The following HELLS variants were observed in gnomAD, a reference collection of about 807,000 sequenced individuals.
HELLS encodes the protein lymphoid-specific helicase.
A neutral mutation model predicts 120.0 loss-of-function variants in HELLS; 32 were observed. The observed-to-expected ratio is 0.27, with a 90% confidence interval of 0.20 to 0.36. The LOEUF (loss-of-function observed/expected upper bound fraction) is 0.36. Ranked by LOEUF, HELLS falls within the 10% of genes least tolerant of loss-of-function variation. The pLI is 1.00. For synonymous variants in HELLS, 341 were observed against 323.4 expected, an observed-to-expected ratio of 1.05 and a Z score of -0.58; for missense variants, 650 against 993.4, an observed-to-expected ratio of 0.65 and a Z score of 4.65.
chr10:94,557,399 C>A (rs1241494604), intron 3 of HELLS, among the ~76,000 whole-genome samples: 2 of 152,190 alleles, frequency 1.3e-5, no homozygotes, highest in Non-Finnish European at 2.9e-5. Flanking sequence ...CTACCCCTTT[C>A]ATCACCTCTT....
chr10:94,573,807 A>C (rs1245837689), intron 7 of HELLS, among the ~76,000 whole-genome samples, 153 bp from the exon 8 acceptor site: 2 of 151,470 alleles, frequency 1.3e-5, no homozygotes, highest in Non-Finnish European at 2.9e-5. Flanking sequence ...AGGGATGGCG[A>C]TGTCTCCAGT....
chr10:94,560,949 G>A (rs937689562), intron 4 of HELLS, among the ~76,000 whole-genome samples: 3 of 151,678 alleles, frequency 2.0e-5, no homozygotes, highest in East Asian at 1.9e-4. Context: ...CCAGCTACTC[G>A]GGAGGCTGAC....
intron 15 of HELLS, among the ~76,000 whole-genome samples, chr10:94,591,186 C>G (rs1169198327): frequency 6.6e-6 from 1 of 152,088 alleles, no homozygotes; most frequent in Non-Finnish European, 1.5e-5. Context: ...ACTAAGAATT[C>G]TAAATTTAGT....
chr10:94,570,359 G>A (rs1844079764), intron 6 of HELLS: 2 of 152,218 alleles, frequency 1.3e-5, no homozygotes, highest in African/African-American at 4.8e-5. Flanking sequence ...TTACAGGACA[G>A]CTTTTATCAG....
At chr10:94,575,036 GAT>G (rs1844362069) in intron 9 of HELLS, among the ~76,000 whole-genome samples, 1 of 150,200 alleles carries the variant, frequency 6.7e-6, no homozygotes, top group Non-Finnish European at 1.5e-5. Flanking sequence ...TTCTTCACTT[GAT>G]CTTTGCCAAA....
At chr10:94,586,629 C>T (rs1467543323) in intron 12 of HELLS, among the ~76,000 whole-genome samples, 2 of 152,028 alleles carry the variant, frequency 1.3e-5, no homozygotes, top group East Asian at 3.9e-4. Context: ...TATATGTAAA[C>T]CATTGTCAGT....
exon 10 of HELLS, chr10:94,612,496 A>G (rs960970196): frequency 6.6e-6 from 1 of 152,216 alleles, no homozygotes; most frequent in Non-Finnish European, 1.5e-5. Flanking sequence ...TACAGAAGCT[A>G]TATAATGTCA....
At chr10:94,568,066 C>T (rs1385945783) in intron 6 of HELLS, among the ~76,000 whole-genome samples, 6 of 151,964 alleles carry the variant, frequency 3.9e-5, no homozygotes, top group Non-Finnish European at 7.4e-5. Flanking sequence ...CACGTCACCA[C>T]GCCCAGCTAA....
chr10:94,562,365 T>C (rs115688324), intron 4 of HELLS, among the ~76,000 whole-genome samples: 1 of 152,068 alleles, frequency 6.6e-6, no homozygotes, highest in South Asian at 2.1e-4. Context: ...ATTGTACCAG[T>C]GCACACTATC....
Position 94,594,869 on chromosome 10 carries a change from T to A in HELLS, c.2248+15T>A. On this transcript the variant is annotated intron_variant, in intron 19 of 21. Coordinates refer to ENST00000348459, the MANE Select transcript of HELLS (RefSeq NM_018063.5). ...CATCCATAAAAGTAAATAACACTTA[T>A]GTAGTGCTTTATTGTTTAAATTGTG... The A allele has an allele frequency of 1.3e-6, 2 of 1,572,120 alleles. No individual in the cohort carries two copies.
chr10:94,568,980 T>C (rs1010409946), intron 6 of HELLS, among the ~76,000 whole-genome samples: 1 of 151,996 alleles, frequency 6.6e-6, no homozygotes, highest in East Asian at 1.9e-4. Flanking sequence ...TAGCTGGGAT[T>C]ACAGGCATGT....
At chr10:94,554,371 T>C in intron 3 of HELLS, 123 bp downstream of exon 3, 1 of 626,076 alleles carries the variant, frequency 1.6e-6, no homozygotes, top group Non-Finnish European at 2.5e-6. Flanking sequence ...GAGTTTTGAC[T>C]AGTAAATATA....
At chr10:94,551,244 GAA>G (rs1842968484) in intron 2 of HELLS, among the ~76,000 whole-genome samples, 1 of 152,056 alleles carries the variant, frequency 6.6e-6, no homozygotes, top group Non-Finnish European at 1.5e-5. Flanking sequence ...TCCATTCTTA[GAA>G]TCTTACTGTA....
downstream of HELLS, among the ~76,000 whole-genome samples, chr10:94,602,741 T>C (rs1176690943): frequency 2.6e-5 from 4 of 152,186 alleles, no homozygotes; most frequent in African/African-American, 4.8e-5. Context: ...TGGGTTTTGG[T>C]TACATGGATA....
chr10:94,567,359 C>T (rs901065899), intron 6 of HELLS, among the ~76,000 whole-genome samples: 7 of 151,992 alleles, frequency 4.6e-5, no homozygotes, highest in East Asian at 1.9e-4. Context: ...AGTGCAATGG[C>T]GCCATCTCGG....
chr10:94,590,430 A>C lies in HELLS; in HGVS notation c.1506A>C (p.Leu502Phe). 1 of 1,606,554 alleles carries C rather than the reference A, an allele frequency of 6.2e-7. No homozygotes were observed. Among genetic ancestry groups the C allele is most frequent in the East Asian group, 2.2e-5 (1 of 44,814 alleles). Residue 502 changes from leucine (L) to phenylalanine (F), a missense_variant, in exon 14 of 22, where the codon TTA becomes TTC. Leu to Phe is a conservative substitution (Grantham distance 22). Around this residue, in one of 9 missense-constraint regions of HELLS, gnomAD observed 191 missense variants for 259.7 expected, o/e 0.74. Coordinates refer to ENST00000348459, the MANE Select transcript of HELLS (RefSeq NM_018063.5). ...CCTTTTAGAAAGAAACAATTGAGTT[A>C]AGTCCTACTGGTCGACCAAAACGAC... ...FGSSEKETIE[L>F]SPTGRPKRRT...
chr10:94,598,150 T>C lies in HELLS; in HGVS notation c.2422+1039T>C, dbSNP rs575395212. 2.6e-5 allele frequency among the ~76,000 whole-genome samples: 4 copies of C among 152,350 alleles called. No homozygotes were observed. In the South Asian group the frequency reaches 8.3e-4, roughly 32 times the overall value. ...TACAACATATTACTGTCGTCTAGGC[T>C]ATTGATTATTTGTCTGTTGCATCTG... On this transcript the variant is annotated intron_variant, in intron 21 of 21. Coordinates refer to ENST00000348459, the MANE Select transcript of HELLS (RefSeq NM_018063.5).
At chr10:94,554,317 A>C in intron 3 of HELLS, 69 bp downstream of exon 3, 1 of 1,126,998 alleles carries the variant, frequency 8.9e-7, no homozygotes, top group Non-Finnish European at 1.2e-6. Context: ...TGAAGTGTAT[A>C]TTATATACAG....
chr10:94,554,353 G>C, intron 3 of HELLS, 105 bp downstream of exon 3: 2 of 771,618 alleles, frequency 2.6e-6, no homozygotes, highest in Admixed American at 3.7e-5. Flanking sequence ...TTAAGTGTAC[G>C]GTTTGCTGAG....
Sources: allele counts gnomAD v4.1 joint callset (sites outside exome capture counted in the v4.1 genomes callset), GRCh38; gene constraint gnomAD v4.1.1; regional missense constraint gnomAD v4.1.1; transcripts MANE v1.5; gene names NCBI Gene and HGNC (gene_info 2026-07-23, HGNC 2026-07-21).